The following PPARGC1A variants were observed in gnomAD, a reference collection of about 807,000 sequenced individuals.
PPARGC1A encodes the protein peroxisome proliferator-activated receptor gamma coactivator 1-alpha.
A neutral mutation model predicts 88.7 loss-of-function variants in PPARGC1A; 25 were observed. That is an observed-to-expected ratio of 0.28 (90% CI 0.21 to 0.39). The LOEUF is 0.39. Among genes scored for constraint, PPARGC1A ranks in the 10% least tolerant of loss-of-function variants. The pLI is 1.00. For missense variants in PPARGC1A, 880 were observed against 968.7 expected, an observed-to-expected ratio of 0.91 and a Z score of 1.22; for synonymous variants, 363 against 355.6, an observed-to-expected ratio of 1.02 and a Z score of -0.24.
At chr4:24,387,822 AAG>A in the PPARGC1A span, among the ~76,000 whole-genome samples, 9 of 68,150 alleles carry the variant, frequency 1.3e-4, no homozygotes, top group African/African-American at 3.6e-4. Context: ...GAAAGAAAGA[AAG>A]AGAGAAAGAG....
At chr4:24,344,103 TTATA>T in the PPARGC1A span, among the ~76,000 whole-genome samples, 133,593 of 151,166 alleles carry the variant, frequency 0.88, 60,490 homozygotes, top group Non-Finnish European at 0.98. Flanking sequence ...TAGTATTCCA[TTATA>T]TATATATATA....
the PPARGC1A span, among the ~76,000 whole-genome samples, chr4:24,228,479 C>T: frequency 1.3e-5 from 2 of 152,088 alleles, no homozygotes. Flanking sequence ...ACAATGGACA[C>T]TGAGGACTAT....
chr4:24,061,098 G>C, the PPARGC1A span, among the ~76,000 whole-genome samples: 2 of 152,052 alleles, frequency 1.3e-5, no homozygotes, highest in Admixed American at 6.6e-5. Flanking sequence ...GGACCAAAGA[G>C]TTACAGGATG....
chr4:24,133,191 G>GGGT, the PPARGC1A span, among the ~76,000 whole-genome samples: 17 of 152,120 alleles, frequency 1.1e-4, no homozygotes. Flanking sequence ...CCCCCCTGGG[G>GGGT]GGTGGTGGTG....
At chr4:23,988,738 A>G in the PPARGC1A span, among the ~76,000 whole-genome samples, 8 of 151,212 alleles carry the variant, frequency 5.3e-5, no homozygotes, top group Non-Finnish European at 1.5e-5. Context: ...ATGTGTTTAT[A>G]TTTGTGTGCA....
At chr4:23,961,175 T>C in the PPARGC1A span, among the ~76,000 whole-genome samples, 1 of 152,132 alleles carries the variant, frequency 6.6e-6, no homozygotes, top group African/African-American at 2.4e-5. Context: ...CAGTACTATC[T>C]TTCCATGAAA....
At chr4:23,812,934 T>C in intron 9 of PPARGC1A, 67 bp from the exon 10 acceptor site, 2 of 1,612,516 alleles carry the variant, frequency 1.2e-6, no homozygotes, top group Admixed American at 1.7e-5. Context: ...AATAATAATA[T>C]GGGGAGGGGT....
chr4:24,121,991 G>C, the PPARGC1A span, among the ~76,000 whole-genome samples: 2 of 152,084 alleles, frequency 1.3e-5, no homozygotes, highest in South Asian at 4.2e-4. Context: ...CACTGATGCT[G>C]ACTCAAAGGG....
chr4:23,960,472 A>G, the PPARGC1A span, among the ~76,000 whole-genome samples: 2 of 152,184 alleles, frequency 1.3e-5, no homozygotes, highest in African/African-American at 4.8e-5. Context: ...TAGTTTGGCC[A>G]AAACAATGAG....
the PPARGC1A span, among the ~76,000 whole-genome samples, chr4:23,973,791 C>T: frequency 2.0e-5 from 3 of 152,000 alleles, no homozygotes; most frequent in African/African-American, 7.3e-5. Context: ...CACAGAACAT[C>T]ATTGGTAAAG....
the PPARGC1A span, among the ~76,000 whole-genome samples, chr4:24,408,128 G>A: frequency 6.6e-6 from 1 of 152,034 alleles, no homozygotes; most frequent in South Asian, 2.1e-4. Context: ...GTGAGCTTCT[G>A]GACCCAACAG....
At chr4:23,837,846 C>T (rs956362356) in intron 2 of PPARGC1A, among the ~76,000 whole-genome samples, 2 of 152,096 alleles carry the variant, frequency 1.3e-5, no homozygotes, top group African/African-American at 4.8e-5. Context: ...AGAGGTGTGT[C>T]TCTTTCTTGA....
the PPARGC1A span, among the ~76,000 whole-genome samples, chr4:23,916,644 G>A: frequency 8.6e-5 from 13 of 151,974 alleles, no homozygotes; most frequent in African/African-American, 2.9e-4. Flanking sequence ...CTACATAATA[G>A]CTGCCTACTA....
At chr4:23,957,731 G>C in the PPARGC1A span, among the ~76,000 whole-genome samples, 1 of 151,930 alleles carries the variant, frequency 6.6e-6, no homozygotes, top group African/African-American at 2.4e-5. Flanking sequence ...ATGCCACAGA[G>C]GGAAAAAAGC....
the PPARGC1A span, among the ~76,000 whole-genome samples, chr4:24,341,727 G>T: frequency 6.6e-6 from 1 of 152,170 alleles, no homozygotes; most frequent in African/African-American, 2.4e-5. Context: ...CAGATTAAAG[G>T]CCTTGAGATG....
the PPARGC1A span, among the ~76,000 whole-genome samples, chr4:24,154,660 T>C: frequency 0.91 from 138,119 of 152,188 alleles, 62,906 homozygotes; most frequent in African/African-American, 0.98. Flanking sequence ...GCTTCTAAGC[T>C]GAGTTATCAA....
At chr4:24,300,250 G>A in the PPARGC1A span, among the ~76,000 whole-genome samples, 39 of 146,808 alleles carry the variant, frequency 2.7e-4, no homozygotes, top group African/African-American at 9.5e-4. Context: ...TAAAAATCAG[G>A]CAAAACGAAT....
the PPARGC1A span, among the ~76,000 whole-genome samples, chr4:24,297,412 T>C: frequency 6.6e-5 from 10 of 152,156 alleles, no homozygotes; most frequent in African/African-American, 2.4e-4. Flanking sequence ...AGCATCTCCT[T>C]TATGCCCACG....
At chr4:23,811,451 T>G (rs1720881083) in intron 10 of PPARGC1A, among the ~76,000 whole-genome samples, 1 of 152,244 alleles carries the variant, frequency 6.6e-6, no homozygotes, top group African/African-American at 2.4e-5. Context: ...AAAGCAGTGC[T>G]ATATCTCATT....
Sources: gnomAD v4.1 joint callset for allele counts (sites outside exome capture counted in the v4.1 genomes callset) on GRCh38, gnomAD v4.1.1 for gene constraint, MANE v1.5 for transcripts, NCBI Gene and HGNC (gene_info 2026-07-23, HGNC 2026-07-21) for gene names.